Variants in KANK4 observed in about 807,000 individuals in gnomAD.
The protein encoded by KANK4 is KN motif and ankyrin repeat domain-containing protein 4.
In KANK4, 50 loss-of-function variants were observed where a neutral mutation model predicts 80.8. The observed-to-expected ratio is 0.62, with a 90% CI of 0.49 to 0.78. KANK4 has a LOEUF of 0.78. KANK4 is among the 30% of genes least tolerant of loss of function. The probability of loss-of-function intolerance (pLI) is 0.00; values close to 1 mark genes in which losing one functional copy is unlikely to be tolerated. For missense variants in KANK4, 1,196 were observed against 1,240.1 expected (o/e 0.96, Z 0.53); for synonymous variants, 465 against 506.9 (o/e 0.92, Z 1.11).
At position 62,281,761 on chromosome 1, in the gene KANK4, C is replaced by A. The variant is rs2666485; in HGVS notation, c.-70-127G>T. On this transcript the variant is annotated intron_variant, in intron 1 of 9. Transcript: ENST00000371153. The stretch of plus-strand genomic sequence containing the variant: ...TCCCAGGGTGCCCATGAGCTCACAG[C>A]CCTCCAAGGAGGAAGATTAAAAACC... 4.8e-4 allele frequency: 316 copies of A among 654,138 alleles called. 1 individual carries two copies. In the African/African-American group the frequency reaches 5.0e-3, roughly 10 times the overall value. 40.5% of individuals were successfully genotyped at this position (654,138 alleles called of 1,614,324 possible). A position where few individuals can be genotyped will look rare whatever the true frequency, so the allele number is the denominator to read the frequency against.
chr1:62,252,020 C>T (rs1277827435), intron 8 of KANK4, among the ~76,000 whole-genome samples: 1 of 151,696 alleles, frequency 6.6e-6, no homozygotes, highest in African/African-American at 2.4e-5. Context: ...TTCAGAGTAC[C>T]CAGTCTTGGC....
intron 7 of KANK4, among the ~76,000 whole-genome samples, chr1:62,255,180 T>C (rs571889111): frequency 2.6e-5 from 4 of 152,208 alleles, no homozygotes; most frequent in East Asian, 3.9e-4. Flanking sequence ...CCACGGTGCC[T>C]AGCCAAACCT....
chr1:62,290,164 T>C (rs1490748410), intron 1 of KANK4, among the ~76,000 whole-genome samples: 1 of 152,264 alleles, frequency 6.6e-6, no homozygotes, highest in Non-Finnish European at 1.5e-5. Context: ...AAAATTCTAT[T>C]ATATAGCCAT....
At chr1:62,270,311 G>A (rs987083621) in intron 4 of KANK4, among the ~76,000 whole-genome samples, 10 of 151,944 alleles carry the variant, frequency 6.6e-5, no homozygotes, top group African/African-American at 1.9e-4. Flanking sequence ...ACATGATCCC[G>A]TGTCAGATGT....
At chr1:62,284,126 C>T (rs1672510273) in intron 1 of KANK4, among the ~76,000 whole-genome samples, 1 of 152,146 alleles carries the variant, frequency 6.6e-6, no homozygotes, top group Non-Finnish European at 1.5e-5. Context: ...ACTCCCACCC[C>T]CAGCCTTCCG....
At chr1:62,260,784 CTCT>C (rs777331806) in intron 7 of KANK4, among the ~76,000 whole-genome samples, 2 of 152,146 alleles carry the variant, frequency 1.3e-5, no homozygotes, top group Non-Finnish European at 2.9e-5. Context: ...AGCCACAATC[CTCT>C]TATTTCTTCT....
At chr1:62,257,249 G>A (rs183553189) in intron 7 of KANK4, among the ~76,000 whole-genome samples, 4 of 152,044 alleles carry the variant, frequency 2.6e-5, no homozygotes, top group Non-Finnish European at 4.4e-5. Flanking sequence ...CACCACGCCC[G>A]GCTCATTTTT....
chr1:62,269,376 C>T (rs1672105757), intron 4 of KANK4, among the ~76,000 whole-genome samples: 1 of 152,200 alleles, frequency 6.6e-6, no homozygotes, highest in Non-Finnish European at 1.5e-5. Flanking sequence ...ATTGAACCCC[C>T]TAAGGACCCT....
intron 5 of KANK4, among the ~76,000 whole-genome samples, chr1:62,267,217 A>C (rs1292889211): frequency 6.6e-6 from 1 of 152,192 alleles, no homozygotes; most frequent in Non-Finnish European, 1.5e-5. Context: ...AAAAAAATCA[A>C]AGAATCCAAT....
At chr1:62,298,735 T>G (rs1557505389) in intron 1 of KANK4, among the ~76,000 whole-genome samples, 1 of 152,206 alleles carries the variant, frequency 6.6e-6, no homozygotes, top group Admixed American at 6.5e-5. Context: ...TACACAGTAC[T>G]TGGCATGTAG....
chr1:62,240,985 T>C (rs1671328001), intron 9 of KANK4, among the ~76,000 whole-genome samples: 1 of 152,202 alleles, frequency 6.6e-6, no homozygotes, highest in Non-Finnish European at 1.5e-5. Flanking sequence ...CCTGAGGCTG[T>C]TGGCCTACTG....
rs1315014864 is a variant in KANK4, at chr1:62,274,674, C to G, written c.430G>C (p.Glu144Gln). Residue 144 changes from glutamate (E) to glutamine (Q), a missense_variant, in exon 3 of 10, where the codon GAG becomes CAG. Glu to Gln is a conservative substitution (Grantham distance 29, BLOSUM62 2). This residue lies in a region of KANK4 where 1,154 missense variants were observed against 1,179.6 expected (regional missense o/e 0.98). Coordinates refer to ENST00000371153, the MANE Select transcript of KANK4 (RefSeq NM_181712.5). Reference sequence around the variant, plus strand: ...AAAGTGAGCTCGGCATCCTCTGGCTCAGCAGCTTCCAACTGTCTGGTGGCC... The same window carrying G: ...AAAGTGAGCTCGGCATCCTCTGGCTGAGCAGCTTCCAACTGTCTGGTGGCC... ...AEATRQLEAA[E>Q]PEDAELTFGS... 1.2e-6 allele frequency: 2 copies of G among 1,614,238 alleles called. No individual in the cohort carries two copies. The highest frequency in any genetic ancestry group is 2.7e-5 in the African/African-American group (2 of 75,060).
chr1:62,282,793 C>CA (rs1358745813), intron 1 of KANK4, among the ~76,000 whole-genome samples: 2 of 152,186 alleles, frequency 1.3e-5, no homozygotes, highest in African/African-American at 4.8e-5. Flanking sequence ...GATGGAGCCC[C>CA]AAAGGGCAGG....
At position 62,273,184 on chromosome 1, in the gene KANK4, C is replaced by G. The variant is rs1672205774; in HGVS notation, c.1900+20G>C. 2 of 1,475,764 alleles carry G rather than the reference C, an allele frequency of 1.4e-6. No individual in the cohort carries two copies. The highest frequency in any genetic ancestry group is 1.8e-6 in the Non-Finnish European group (2 of 1,103,494). The allele number at this position is 1,475,764 out of a possible 1,614,324, so 91.4% of individuals were successfully genotyped here. On this transcript the variant is annotated intron_variant, in intron 3 of 9. Transcript: ENST00000371153. ...GAGAAATGGCTCCCTGTCTCAGGCC[C>G]CTATATTGATGGTATTTACCCACTG...
intron 7 of KANK4, among the ~76,000 whole-genome samples, chr1:62,261,176 A>C (rs12565192): frequency 0.43 from 39,912 of 92,202 alleles, 6,564 homozygotes; most frequent in East Asian, 0.7. Context: ...TTTTTTTTTG[A>C]GACAGGGTCT....
intron 1 of KANK4, among the ~76,000 whole-genome samples, chr1:62,285,786 G>C (rs201407641): frequency 7.2e-6 from 1 of 139,384 alleles, no homozygotes; most frequent in Non-Finnish European, 1.6e-5. Flanking sequence ...CTTTCCATAA[G>C]AAAAAAAAAA....
intron 1 of KANK4, among the ~76,000 whole-genome samples, chr1:62,295,130 T>C (rs10465842): frequency 0.72 from 109,036 of 151,826 alleles, 40,595 homozygotes; most frequent in African/African-American, 0.91. Context: ...TTAGTGACTC[T>C]GCTCACATCT....
intron 1 of KANK4, among the ~76,000 whole-genome samples, chr1:62,302,070 A>G (rs17123399): frequency 0.062 from 9,426 of 152,086 alleles, 959 homozygotes; most frequent in African/African-American, 0.21. Flanking sequence ...CTGTTCTATG[A>G]TGTCAGATGC....
chr1:62,266,951 G>C, intron 5 of KANK4, 132 bp from the exon 6 acceptor site: 3 of 595,950 alleles, frequency 5.0e-6, no homozygotes, highest in Non-Finnish European at 8.9e-6. Flanking sequence ...CTAGGAGAGG[G>C]TGAGCTTCAA....
Sources: allele counts gnomAD v4.1 joint callset (sites outside exome capture counted in the v4.1 genomes callset), GRCh38; gene constraint gnomAD v4.1.1; regional missense constraint gnomAD v4.1.1; transcripts MANE v1.5; gene names NCBI Gene and HGNC (gene_info 2026-07-23, HGNC 2026-07-21).